Variants in BST1 observed in about 807,000 individuals in gnomAD.
BST1 encodes ADP-ribosyl cyclase/cyclic ADP-ribose hydrolase 2.
Under a neutral mutation model 40.6 loss-of-function variants are expected in BST1, and 49 were observed. The observed-to-expected ratio is 1.21, with a 90% CI of 0.96 to 1.53. BST1 has a LOEUF of 1.53. BST1 is among the 40% of genes most tolerant of loss of function. The pLI is 0.00. For missense variants in BST1, 423 were observed against 395.9 expected, an observed-to-expected ratio of 1.07 and a Z score of -0.58; for synonymous variants, 157 against 159.3, an observed-to-expected ratio of 0.99 and a Z score of 0.11.
At chr4:15,703,492 G>C (rs1301862117) in intron 1 of BST1, among the ~76,000 whole-genome samples, 160 bp downstream of exon 1, 1 of 151,552 alleles carries the variant, frequency 6.6e-6, no homozygotes, top group Non-Finnish European at 1.5e-5. Flanking sequence ...TGAACGATGG[G>C]GGCGAGTGAG....
intron 8 of BST1, among the ~76,000 whole-genome samples, chr4:15,725,211 C>T (rs1721035639): frequency 6.6e-6 from 1 of 152,086 alleles, no homozygotes; most frequent in South Asian, 2.1e-4. Context: ...AAGGACTCAC[C>T]CAAGACCACC....
chr4:15,707,563 C>T lies in BST1; in HGVS notation c.368C>T (p.Thr123Ile), dbSNP rs1033522362. Residue 123 changes from threonine to isoleucine, a missense_variant, in exon 3 of 9, where the codon ACC becomes ATC. Transcript: ENST00000265016. ...CTTGTTAACAGCTTTGCAGACAACA[C>T]CCGTCGTTTTATGCCCCTGAGCGAT... is the stretch of plus-strand genomic sequence containing the variant. ...HLLVNSFADN[T>I]RRFMPLSDVL... The T allele has an allele frequency of 4.3e-6, 7 of 1,613,882 alleles. No individual in the cohort carries two copies. Among genetic ancestry groups the T allele is most frequent in the Middle Eastern group, 1.6e-4 (1 of 6,084 alleles).
chr4:15,758,961 C>A, the BST1 span, among the ~76,000 whole-genome samples: 1 of 151,976 alleles, frequency 6.6e-6, no homozygotes, highest in Admixed American at 6.5e-5. Flanking sequence ...GCCTACACAC[C>A]TCAGTGCCTT....
At chr4:15,764,756 G>A in the BST1 span, among the ~76,000 whole-genome samples, 3 of 151,872 alleles carry the variant, frequency 2.0e-5, 1 homozygote, top group Admixed American at 1.3e-4. Flanking sequence ...CCCACAGAAA[G>A]TGACACAGAC....
At chr4:15,734,631 A>G (rs537351569), downstream of BST1, among the ~76,000 whole-genome samples, 1 of 152,242 alleles carries the variant, frequency 6.6e-6, no homozygotes, top group South Asian at 2.1e-4. Context: ...GTCATGATGG[A>G]TGAAGGGTCT....
chr4:15,717,203 C>T (rs569160601), intron 6 of BST1, among the ~76,000 whole-genome samples: 5 of 152,238 alleles, frequency 3.3e-5, no homozygotes, highest in African/African-American at 1.2e-4. Context: ...GGCATTTTCC[C>T]GGGTATTGGC....
the BST1 span, among the ~76,000 whole-genome samples, chr4:15,756,381 G>C: frequency 6.6e-6 from 1 of 152,166 alleles, no homozygotes; most frequent in African/African-American, 2.4e-5. Flanking sequence ...ATTTTCAATC[G>C]TGGTTTGTGG....
intron 8 of BST1, 52 bp from the exon 9 acceptor site, chr4:15,731,688 A>G (rs779956414): frequency 1.9e-6 from 3 of 1,563,186 alleles, no homozygotes; most frequent in Non-Finnish European, 2.6e-6. Flanking sequence ...TTTTGAGCGT[A>G]GATTCCATAC....
chr4:15,713,268 C>T (rs1720319872), intron 4 of BST1, among the ~76,000 whole-genome samples: 1 of 148,548 alleles, frequency 6.7e-6, no homozygotes, highest in Admixed American at 6.8e-5. Flanking sequence ...TCACTGCAAC[C>T]TCTGCCTCCC....
At chr4:15,748,689 G>A in the BST1 span, among the ~76,000 whole-genome samples, 2 of 152,188 alleles carry the variant, frequency 1.3e-5, no homozygotes, top group African/African-American at 2.4e-5. Flanking sequence ...CTCCTTCAAT[G>A]TTGAGGGCCA....
chr4:15,762,039 A>G, the BST1 span, among the ~76,000 whole-genome samples: 6 of 151,668 alleles, frequency 4.0e-5, no homozygotes, highest in African/African-American at 1.5e-4. Flanking sequence ...AAATACAAAA[A>G]TTAGCCAGGC....
At chr4:15,752,274 A>G in the BST1 span, among the ~76,000 whole-genome samples, 13 of 152,326 alleles carry the variant, frequency 8.5e-5, no homozygotes, top group East Asian at 2.3e-3. Context: ...GCTCCAGGAA[A>G]TAATACAACA....
At chr4:15,760,924 G>A in the BST1 span, among the ~76,000 whole-genome samples, 1 of 151,146 alleles carries the variant, frequency 6.6e-6, no homozygotes, top group Non-Finnish European at 1.5e-5. Flanking sequence ...TCAAATTCCT[G>A]AGTAATCTGC....
At position 15,711,903 on chromosome 4, in the gene BST1, G is replaced by C; in HGVS notation, c.534+14G>C. On this transcript the variant is annotated intron_variant, in intron 4 of 8. Coordinates refer to ENST00000265016, the MANE Select transcript of BST1 (RefSeq NM_004334.3). ...GCATCCATCCAGGTAATGCTGGGAT[G>C]ATATCTGAGTGGTTGAGCATGTGTG... The C allele has an allele frequency of 6.2e-7, 1 of 1,607,460 alleles. No individual in the cohort carries two copies. Among genetic ancestry groups the C allele is most frequent in the Non-Finnish European group, 8.5e-7 (1 of 1,174,110 alleles).
the BST1 span, among the ~76,000 whole-genome samples, chr4:15,767,251 A>G: frequency 9.9e-4 from 150 of 152,214 alleles, no homozygotes; most frequent in Non-Finnish European, 1.8e-3. Flanking sequence ...AAATGTGTGC[A>G]TTTTTGAAAA....
At position 15,722,889 on chromosome 4, in the gene BST1, T is replaced by C. The variant is rs776916135; in HGVS notation, c.806T>C (p.Leu269Ser). Residue 269 changes from leucine to serine, a missense_variant, in exon 8 of 9, where the codon TTA becomes TCA. Coordinates refer to ENST00000265016, the MANE Select transcript of BST1 (RefSeq NM_004334.3). ...TCTTTCTGTAGACCAGTGAAGCTCT[T>C]ACAGTGCGTGGACCACAGCACCCAT... Reference protein sequence around the residue: ...CINDYRPVKLLQCVDHSTHPD... With the variant: ...CINDYRPVKLSQCVDHSTHPD... 1 of 1,613,578 alleles carries C rather than the reference T, an allele frequency of 6.2e-7. No individual in the cohort carries two copies. The highest frequency in any genetic ancestry group is 1.1e-5 in the South Asian group (1 of 90,998).
intron 8 of BST1, 146 bp downstream of exon 8, chr4:15,723,080 T>C (rs1720903400): frequency 1.4e-6 from 1 of 708,344 alleles, no homozygotes; most frequent in South Asian, 1.9e-5. Context: ...TTTATTTATA[T>C]GTATCTGTCT....
intron 1 of BST1, 80 bp from the exon 2 acceptor site, chr4:15,705,435 G>A (rs1719826792): frequency 6.9e-7 from 1 of 1,456,022 alleles, no homozygotes; most frequent in Non-Finnish European, 9.2e-7. Flanking sequence ...CTCTTGTAAA[G>A]CTCTTAGACA....
At chr4:15,765,929 C>CTG in the BST1 span, among the ~76,000 whole-genome samples, 1 of 151,932 alleles carries the variant, frequency 6.6e-6, no homozygotes, top group Non-Finnish European at 1.5e-5. Context: ...CTTCTGGCAA[C>CTG]CGAATTTGTT....
Sources: gnomAD v4.1 joint callset for allele counts (sites outside exome capture counted in the v4.1 genomes callset) on GRCh38, gnomAD v4.1.1 for gene constraint, MANE v1.5 for transcripts, NCBI Gene and HGNC (gene_info 2026-07-23, HGNC 2026-07-21) for gene names.